The following INPP5A variants were observed in gnomAD, a reference collection of about 807,000 sequenced individuals.
The protein encoded by INPP5A is inositol polyphosphate-5-phosphatase A, also known as 43 kDa inositol polyphosphate 5-phophatase.
INPP5A carries 14 observed loss-of-function variants against 65.2 expected under a neutral mutation model. The observed-to-expected ratio is 0.21, with a 90% confidence interval of 0.14 to 0.34. INPP5A has a LOEUF of 0.34. Among genes scored for constraint, INPP5A ranks in the 10% least tolerant of loss-of-function variants. The pLI, the probability that INPP5A is intolerant of heterozygous loss-of-function variation, is 1.00. For synonymous variants in INPP5A, 207 were observed against 208.3 expected, an observed-to-expected ratio of 0.99 and a Z score of 0.05; for missense variants, 431 against 545.6, an observed-to-expected ratio of 0.79 and a Z score of 2.09.
chr10:132,677,948 C>T (rs1226777982), intron 4 of INPP5A, among the ~76,000 whole-genome samples: 1 of 152,236 alleles, frequency 6.6e-6, no homozygotes, highest in Non-Finnish European at 1.5e-5. Flanking sequence ...ATACAATGGA[C>T]AACCAATTTA....
intron 9 of INPP5A, among the ~76,000 whole-genome samples, chr10:132,731,543 G>A (rs549723887): frequency 1.3e-5 from 2 of 152,340 alleles, no homozygotes; most frequent in South Asian, 2.1e-4. Context: ...CGTATCAGAC[G>A]CAGGTGTTTT....
chr10:132,778,236 C>T (rs555442417), intron 13 of INPP5A, among the ~76,000 whole-genome samples: 103 of 146,264 alleles, frequency 7.0e-4, no homozygotes, highest in African/African-American at 2.4e-3. Flanking sequence ...AAATAGGCGA[C>T]ATTTTCAGAT....
rs73387003 is a variant in INPP5A at position 132,736,472 on chromosome 10, G to A, written c.732+9567G>A. Reference sequence around the variant, plus strand: ...GCCTGCAGGGGAATGGCCGTTGGGGGCGTTGACATCCAGAAGGAGCCGTCC... The same window carrying A: ...GCCTGCAGGGGAATGGCCGTTGGGGACGTTGACATCCAGAAGGAGCCGTCC... On this transcript the variant is annotated intron_variant, in intron 9 of 15. Transcript: ENST00000368594. 5.6e-3 allele frequency among the ~76,000 whole-genome samples: 848 copies of A among 152,382 alleles called. 3 individuals are homozygous for A. The highest frequency in any genetic ancestry group is 0.02 in the African/African-American group (815 of 41,592).
intron 1 of INPP5A, among the ~76,000 whole-genome samples, chr10:132,602,861 C>T (rs115399237): frequency 1.2e-3 from 187 of 152,292 alleles, no homozygotes; most frequent in African/African-American, 3.8e-3. Flanking sequence ...TCTACAGGCA[C>T]GTTCTCTCTC....
chr10:132,606,279 G>A (rs2071847828), intron 1 of INPP5A, among the ~76,000 whole-genome samples: 2 of 152,104 alleles, frequency 1.3e-5, no homozygotes, highest in African/African-American at 4.8e-5. Flanking sequence ...CCTCCTGCCG[G>A]GTCCTCAGTG....
chr10:132,562,900 T>C (rs1261102357), intron 1 of INPP5A, among the ~76,000 whole-genome samples: 1 of 152,172 alleles, frequency 6.6e-6, no homozygotes, highest in Non-Finnish European at 1.5e-5. Context: ...TCCCCTGCTC[T>C]GGTATCTCAG....
Position 132,587,683 on chromosome 10 carries a change from A to G in INPP5A, c.76-20232A>G, listed in dbSNP as rs1223287719. Among the ~76,000 whole-genome samples, 1 of 152,220 alleles carries G rather than the reference A, an allele frequency of 6.6e-6. No individual in the cohort carries two copies. Among genetic ancestry groups the G allele is most frequent in the African/African-American group, 2.4e-5 (1 of 41,446 alleles). On this transcript the variant is annotated intron_variant, in intron 1 of 15. Coordinates refer to ENST00000368594, the MANE Select transcript of INPP5A (RefSeq NM_005539.5). This position sits in a 1 kb window ranked among gnomAD's most constrained non-coding sequence, Gnocchi z 4.3. ...TAGATAATTGCGTTTTGTGTATGCC[A>G]TGATTTCAAAGTTATACTTGTGTTG...
chr10:132,628,488 G>C (rs1480448697), intron 2 of INPP5A, among the ~76,000 whole-genome samples: 6 of 151,290 alleles, frequency 4.0e-5, no homozygotes, highest in Non-Finnish European at 8.9e-5. Context: ...GCGTGGCGTG[G>C]GGGACACGTA....
At position 132,710,417 on chromosome 10, in the gene INPP5A, C is replaced by T. The variant is rs1313471759; in HGVS notation, c.608C>T (p.Ser203Leu). ...TGGGAAACAAGCCCTTCCGTGTACT[C>T]GGGAATCCGGCACAAGGCACTGGGC... ...VAWETSPSVYSGIRHKALGYV... is the reference protein window; with the variant it reads ...VAWETSPSVYLGIRHKALGYV... The change falls in exon 8 of 16, where the codon TCG (serine) becomes TTG (leucine). Residue 203 changes from serine to leucine, a missense_variant. By Grantham distance (145) the Ser-to-Leu change is moderately radical (BLOSUM62 -2). Transcript: ENST00000368594. 3.7e-6 allele frequency: 6 copies of T among 1,614,010 alleles called. No individual in the cohort carries two copies. Among genetic ancestry groups the T allele is most frequent in the Non-Finnish European group, 5.1e-6 (6 of 1,180,018 alleles).
intron 8 of INPP5A, among the ~76,000 whole-genome samples, chr10:132,717,317 G>A (rs528794629): frequency 4.6e-5 from 7 of 151,862 alleles, no homozygotes; most frequent in South Asian, 2.1e-4. Context: ...GACTCACTGG[G>A]TGGGGAAGTC....
chr10:132,567,509 CCT>C (rs1244901071), intron 1 of INPP5A, among the ~76,000 whole-genome samples: 1 of 152,174 alleles, frequency 6.6e-6, no homozygotes, highest in African/African-American at 2.4e-5. Context: ...CTATGTTTCC[CCT>C]GATAGGAACA....
intron 7 of INPP5A, 108 bp downstream of exon 7, chr10:132,708,473 A>T: frequency 8.9e-7 from 1 of 1,127,542 alleles, no homozygotes; most frequent in Non-Finnish European, 1.4e-6. Context: ...CTGATTTTGC[A>T]TGAGGACCCC....
At chr10:132,733,762 G>A (rs1395590944) in intron 9 of INPP5A, among the ~76,000 whole-genome samples, 5 of 152,148 alleles carry the variant, frequency 3.3e-5, no homozygotes, top group Admixed American at 6.5e-5. Context: ...GCCTCCCTCC[G>A]TGTGTGAACA....
chr10:132,595,714 C>G (rs1421283748), intron 1 of INPP5A, among the ~76,000 whole-genome samples: 2 of 152,158 alleles, frequency 1.3e-5, no homozygotes, highest in Non-Finnish European at 2.9e-5. Flanking sequence ...CGTGGACGCC[C>G]TGTGTAACTT....
intron 9 of INPP5A, among the ~76,000 whole-genome samples, chr10:132,747,956 G>GGGA (rs911119578): frequency 8.5e-5 from 13 of 152,246 alleles, no homozygotes; most frequent in African/African-American, 3.1e-4. Context: ...GGGCTGAGGT[G>GGGA]GGAGAATCAC....
intron 1 of INPP5A, among the ~76,000 whole-genome samples, chr10:132,541,973 G>C (rs1257847883): frequency 6.6e-6 from 1 of 152,260 alleles, no homozygotes; most frequent in Non-Finnish European, 1.5e-5. Flanking sequence ...GAGGTGACCA[G>C]GGGTCCATAT....
Position 132,669,409 on chromosome 10 carries a change from T to C in INPP5A, c.306+18904T>C, listed in dbSNP as rs147492213. ...CTCTGAGGGGCACAATGCAGGCTCC[T>C]ATTCTTAACCTCAAGGCTTTCTATG... On this transcript the variant is annotated intron_variant, in intron 4 of 15. Transcript: ENST00000368594. Among the ~76,000 whole-genome samples, 1,237 of 152,250 alleles carry C rather than the reference T, an allele frequency of 8.1e-3. 16 individuals are homozygous for C. Among genetic ancestry groups the C allele is most frequent in the African/African-American group, 0.029 (1,186 of 41,548 alleles).
At chr10:132,643,862 CAG>C (rs1160887421) in intron 2 of INPP5A, among the ~76,000 whole-genome samples, 6 of 152,150 alleles carry the variant, frequency 3.9e-5, no homozygotes, top group Non-Finnish European at 7.3e-5. Context: ...CTCCCACTCA[CAG>C]GGGGTCGTGG....
chr10:132,737,852 A>G (rs1438287071), intron 9 of INPP5A, among the ~76,000 whole-genome samples: 2 of 152,258 alleles, frequency 1.3e-5, no homozygotes, highest in African/African-American at 2.4e-5. Context: ...GGCCTATGAC[A>G]TCAACTGAAA....
Sources: allele counts gnomAD v4.1 joint callset (sites outside exome capture counted in the v4.1 genomes callset), GRCh38; gene constraint gnomAD v4.1.1; non-coding constraint Gnocchi (gnomAD v3.1); transcripts MANE v1.5; gene names NCBI Gene and HGNC (gene_info 2026-07-23, HGNC 2026-07-21).